Variants in PIGK observed in about 807,000 individuals in gnomAD.
PIGK encodes phosphatidylinositol glycan anchor biosynthesis class K.
PIGK carries 42 observed loss-of-function variants against 50.6 expected under a neutral mutation model. The ratio of observed to expected loss-of-function variants is 0.83; its 90% CI spans 0.65 to 1.07. PIGK has a LOEUF of 1.07. Among genes scored for constraint, PIGK ranks in the 50% least tolerant of loss-of-function variants. The probability of loss-of-function intolerance (pLI) is 0.00; values close to 1 mark genes in which losing one functional copy is unlikely to be tolerated. For synonymous variants in PIGK, 151 were observed against 156.0 expected (o/e 0.97, Z 0.24); for missense variants, 448 against 488.7 (o/e 0.92, Z 0.78).
chr1:77,177,868 C>T (rs1161768223), intron 3 of PIGK, among the ~76,000 whole-genome samples: 1 of 152,126 alleles, frequency 6.6e-6, no homozygotes, highest in Non-Finnish European at 1.5e-5. Context: ...GGGAAAGATT[C>T]CTCCACACTC....
At chr1:77,097,570 TG>T (rs1653446826) in intron 10 of PIGK, among the ~76,000 whole-genome samples, 1 of 143,292 alleles carries the variant, frequency 7.0e-6, no homozygotes, top group South Asian at 2.1e-4. Flanking sequence ...AATTGAAAGA[TG>T]ACCACAGTTT....
At chr1:77,189,542 C>A (rs1655834454) in intron 3 of PIGK, among the ~76,000 whole-genome samples, 1 of 151,876 alleles carries the variant, frequency 6.6e-6, no homozygotes, top group African/African-American at 2.4e-5. Flanking sequence ...CCTAGGCTCC[C>A]AGCTGACATC....
At position 77,166,831 on chromosome 1, in the gene PIGK, C is replaced by G; in HGVS notation, c.376-1G>C. 7.1e-7 allele frequency: 1 copy of G among 1,415,838 alleles called. No individual in the cohort carries two copies. The highest frequency in any genetic ancestry group is 9.9e-7 in the Non-Finnish European group (1 of 1,014,836). 87.7% of individuals were successfully genotyped at this position (1,415,838 alleles called of 1,614,324 possible). A position where few individuals can be genotyped will look rare whatever the true frequency, so the allele number is the denominator to read the frequency against. On this transcript the variant is annotated splice_acceptor_variant, in intron 4 of 10. Coordinates refer to ENST00000370812, the MANE Select transcript of PIGK (RefSeq NM_005482.3). LOFTEE classifies it high-confidence loss of function. ...CCCGTAAAAAATTCTCCACAGTTAC[C>G]TAAGGGGGAAAAAACAAGAAAAATC...
chr1:77,157,098 G>A (rs929740834), intron 8 of PIGK, among the ~76,000 whole-genome samples: 1 of 152,116 alleles, frequency 6.6e-6, no homozygotes, highest in African/African-American at 2.4e-5. Context: ...AAATTTTTAA[G>A]GGGCTAACAC....
chr1:77,123,297 T>C (rs753440045), intron 9 of PIGK, among the ~76,000 whole-genome samples: 5 of 152,164 alleles, frequency 3.3e-5, no homozygotes, highest in African/African-American at 4.8e-5. Context: ...GCTTATCAAC[T>C]TAAAAATTAC....
intron 3 of PIGK, among the ~76,000 whole-genome samples, chr1:77,171,540 A>C (rs1403930481): frequency 6.6e-6 from 1 of 151,560 alleles, no homozygotes; most frequent in Non-Finnish European, 1.5e-5. Flanking sequence ...CAATAGCTAT[A>C]TAATGTCAAT....
At chr1:77,144,447 T>A (rs1039673009) in intron 9 of PIGK, among the ~76,000 whole-genome samples, 5 of 151,962 alleles carry the variant, frequency 3.3e-5, no homozygotes, top group Non-Finnish European at 5.9e-5. Flanking sequence ...GTTTAGGTGC[T>A]ATGCATTTAG....
chr1:77,187,337 G>C (rs1375973180), intron 3 of PIGK, among the ~76,000 whole-genome samples: 1 of 152,184 alleles, frequency 6.6e-6, no homozygotes, highest in Non-Finnish European at 1.5e-5. Flanking sequence ...AGATGTGGAA[G>C]TGGCACCACT....
chr1:77,195,595 C>T (rs1170279072), intron 3 of PIGK, among the ~76,000 whole-genome samples: 1 of 152,234 alleles, frequency 6.6e-6, no homozygotes, highest in Middle Eastern at 3.4e-3. Flanking sequence ...TGGAACTTCA[C>T]GGGCTCCAGT....
At chr1:77,179,497 C>T (rs1239993386) in intron 3 of PIGK, among the ~76,000 whole-genome samples, 1 of 152,216 alleles carries the variant, frequency 6.6e-6, no homozygotes, top group Admixed American at 6.5e-5. Context: ...CACTCTTATA[C>T]TGCTGAGTGC....
rs188178349 is a variant in PIGK, at chr1:77,175,542, A to G, written c.240-6147T>C. On this transcript the variant is annotated intron_variant, in intron 3 of 10. Coordinates refer to ENST00000370812, the MANE Select transcript of PIGK (RefSeq NM_005482.3). ...AATAACAGTTTTACATGCAAGGTGTATAAGGAAAGTAAAATTTGTTTTTGG... is the reference window on the plus strand; with the variant it reads ...AATAACAGTTTTACATGCAAGGTGTGTAAGGAAAGTAAAATTTGTTTTTGG... 1.0e-3 allele frequency among the ~76,000 whole-genome samples: 157 copies of G among 152,316 alleles called. 1 individual carries two copies. Among genetic ancestry groups the G allele is most frequent in the African/African-American group, 3.6e-3 (148 of 41,576 alleles).
At chr1:77,122,233 A>G (rs1186459360) in intron 10 of PIGK, 42 bp downstream of exon 10, 2 of 1,281,276 alleles carry the variant, frequency 1.6e-6, no homozygotes, top group East Asian at 4.6e-5. Flanking sequence ...CTCAGCGATT[A>G]AAAATCTTGT....
At chr1:77,134,435 A>G (rs774188050) in intron 9 of PIGK, among the ~76,000 whole-genome samples, 46 of 152,354 alleles carry the variant, frequency 3.0e-4, no homozygotes, top group Non-Finnish European at 5.6e-4. Context: ...AATATGATTG[A>G]GGCAAATATC....
intron 9 of PIGK, among the ~76,000 whole-genome samples, chr1:77,127,454 C>T (rs552251642): frequency 1.4e-4 from 21 of 152,188 alleles, no homozygotes; most frequent in Admixed American, 7.9e-4. Flanking sequence ...GTCCCAGCTA[C>T]GTGGGAGATT....
chr1:77,135,233 T>C (rs1360698113), intron 9 of PIGK, among the ~76,000 whole-genome samples: 3 of 152,194 alleles, frequency 2.0e-5, no homozygotes, highest in Non-Finnish European at 4.4e-5. Context: ...TATCAACCTG[T>C]TTTTTAAATA....
chr1:77,125,886 T>C (rs1251352406), intron 9 of PIGK, among the ~76,000 whole-genome samples: 1 of 152,200 alleles, frequency 6.6e-6, no homozygotes, highest in Non-Finnish European at 1.5e-5. Flanking sequence ...TTTATTTCTC[T>C]TATTGCAGAT....
At position 77,089,728 on chromosome 1, in the gene PIGK, T is replaced by C. The variant is rs1653255379; in HGVS notation, c.*2646A>G. ...TTTTGCATTTAATTCTAATATTTCT[T>C]GATCCAATTTAATCAGCTTTGTATC... On this transcript the variant is annotated 3_prime_UTR_variant, in exon 11 of 11. Transcript: ENST00000370812. 4 of 152,706 alleles carry C rather than the reference T, an allele frequency of 2.6e-5. 1 individual carries two copies. In the South Asian group the frequency reaches 8.3e-4, roughly 32 times the overall value. The allele number at this position is 152,706 out of a possible 1,614,324, so 9.5% of individuals were successfully genotyped here.
chr1:77,191,446 T>G (rs1464436570), intron 3 of PIGK, among the ~76,000 whole-genome samples: 1 of 152,220 alleles, frequency 6.6e-6, no homozygotes, highest in African/African-American at 2.4e-5. Flanking sequence ...GAACCTTGCT[T>G]AGCACCAAAA....
At chr1:77,181,613 C>T (rs1318810930) in intron 3 of PIGK, among the ~76,000 whole-genome samples, 5 of 152,094 alleles carry the variant, frequency 3.3e-5, no homozygotes, top group Non-Finnish European at 7.4e-5. Flanking sequence ...AGCATCATCC[C>T]AAGCTAGAAT....
Sources: gnomAD v4.1 joint callset for allele counts (sites outside exome capture counted in the v4.1 genomes callset) on GRCh38, gnomAD v4.1.1 for gene constraint, MANE v1.5 for transcripts, NCBI Gene and HGNC (gene_info 2026-07-23, HGNC 2026-07-21) for gene names.